Variants in STUB1 observed in about 807,000 individuals in gnomAD.
STUB1 encodes E3 ubiquitin-protein ligase CHIP.
Under a neutral mutation model 40.3 loss-of-function variants are expected in STUB1, and 37 were observed. The observed-to-expected ratio is 0.92, with a 90% CI of 0.71 to 1.21. The LOEUF is 1.21. STUB1 is among the 50% of genes most tolerant of loss of function. The pLI is 0.00. For missense variants in STUB1, 460 were observed against 421.9 expected, an observed-to-expected ratio of 1.09 and a Z score of -0.79; for synonymous variants, 246 against 171.9, an observed-to-expected ratio of 1.43 and a Z score of -3.37.
chr16:681,163 G>C lies in STUB1; in HGVS notation c.171G>C (p.Pro57=), dbSNP rs1392005188. The change falls in exon 2 of 7, where the codon CCG becomes CCC. Residue 57 remains proline (P), a synonymous_variant. Coordinates refer to ENST00000219548, the MANE Select transcript of STUB1 (RefSeq NM_005861.4). ...ACYGRAITRN[P]LVAVYYTNRA... ...GCCTTGGTCCCTAGACCCGGAACCC[G>C]CTGGTGGCCGTGTATTACACCAACC... 9 of 1,563,146 alleles carry C rather than the reference G, an allele frequency of 5.8e-6. No homozygotes were observed. The highest frequency in any genetic ancestry group is 7.8e-6 in the Non-Finnish European group (9 of 1,154,428).
chr16:681,568 C>A lies in STUB1; in HGVS notation c.489C>A (p.Ser163=), dbSNP rs774487197. Reference sequence around the variant, plus strand: ...TCCACCAGGAGAGCGAGCTGCACTCCTACCTCTCCAGGCTCATTGCCGCGG... The same window carrying A: ...TCCACCAGGAGAGCGAGCTGCACTCATACCTCTCCAGGCTCATTGCCGCGG... ...RRIHQESELH[S]YLSRLIAAER... The change falls in exon 3 of 7, where the codon TCC becomes TCA. Residue 163 remains serine, a synonymous_variant. Transcript: ENST00000219548. 12 of 1,611,234 alleles carry A rather than the reference C, an allele frequency of 7.4e-6. No individual in the cohort carries two copies. The highest frequency in any genetic ancestry group is 7.6e-6 in the Non-Finnish European group (9 of 1,179,766).
rs543847927 is a variant in STUB1 at position 680,429 on chromosome 16, G to C, written c.-97G>C. ...GGCGGCGGAGCTGGGCCGGGCCCGA[G>C]CGGATCGCGGGCTCGGGCTGCGGGG... On this transcript the variant is annotated 5_prime_UTR_variant, in exon 1 of 7. Coordinates refer to ENST00000219548, the MANE Select transcript of STUB1 (RefSeq NM_005861.4). The surrounding 1 kb of genome is among the most constrained non-coding windows in gnomAD (Gnocchi z 4.9). 9.2e-7 allele frequency: 1 copy of C among 1,090,340 alleles called. No individual in the cohort carries two copies. Among genetic ancestry groups the C allele is most frequent in the Admixed American group, 4.9e-5 (1 of 20,342 alleles). The allele number at this position is 1,090,340 out of a possible 1,614,324, so 67.5% of individuals were successfully genotyped here. A position where few individuals can be genotyped will look rare whatever the true frequency, so the allele number is the denominator to read the frequency against.
rs749441213 is a variant in STUB1, at chr16:680,573, C to T, written c.48C>T (p.Gly16=). The change falls in exon 1 of 7, where the codon GGC becomes GGT. Residue 16 remains glycine (G), a synonymous_variant. Coordinates refer to ENST00000219548, the MANE Select transcript of STUB1 (RefSeq NM_005861.4). This position sits in a 1 kb window ranked among gnomAD's most constrained non-coding sequence, Gnocchi z 4.9. ...AGGGCGGCGCACGGCTGGGCGCTGG[C>T]GGCGGAAGCCCCGAGAAGAGCCCGA... ...EKEGGARLGA[G]GGSPEKSPSA... 9 of 1,380,578 alleles carry T rather than the reference C, an allele frequency of 6.5e-6. No individual in the cohort carries two copies. The highest frequency in any genetic ancestry group is 1.7e-5 in the South Asian group (1 of 60,410). 85.5% of individuals were successfully genotyped at this position (1,380,578 alleles called of 1,614,324 possible).
In STUB1 at chr16:682,723, G is replaced by A. The variant is rs571827675; in HGVS notation, c.*234G>A. 5.8e-6 allele frequency: 9 copies of A among 1,551,976 alleles called. No individual in the cohort carries two copies. Among genetic ancestry groups the A allele is most frequent in the African/African-American group, 5.4e-5 (4 of 73,984 alleles). ...GCTGAGGCCATTGCCGCCACTATCTGTGTAATAAAATCCGTGAGCACGAGG... is the reference window on the plus strand; with the variant it reads ...GCTGAGGCCATTGCCGCCACTATCTATGTAATAAAATCCGTGAGCACGAGG... On this transcript the variant is annotated 3_prime_UTR_variant, in exon 7 of 7. Coordinates refer to ENST00000219548, the MANE Select transcript of STUB1 (RefSeq NM_005861.4).
Position 682,254 on chromosome 16 carries a change from C to T in STUB1, c.759C>T (p.Asp253=), listed in dbSNP as rs746986960. Residue 253 remains aspartate, a synonymous_variant, in exon 6 of 7, where the codon GAC becomes GAT. Coordinates refer to ENST00000219548, the MANE Select transcript of STUB1 (RefSeq NM_005861.4). ...PCITPSGITY[D]RKDIEEHLQR... ...TCACGCCCAGTGGCATCACCTACGA[C>T]CGCAAGGACATCGAGGAGCACCTGC... The T allele has an allele frequency of 1.9e-6, 3 of 1,612,000 alleles. No homozygotes were observed. The highest frequency in any genetic ancestry group is 1.7e-5 in the Admixed American group (1 of 59,942).
Position 682,288 on chromosome 16 carries a change from C to A in STUB1, c.786+7C>A. ...CATCGAGGAGCACCTGCAGGTGAGG[C>A]CTGCGGCTGGGGGAGCAGGGCCAGT... On this transcript the variant is annotated splice_region_variant and intron_variant, in intron 6 of 6. Transcript: ENST00000219548. The A allele has an allele frequency of 4.1e-6, 2 of 493,642 alleles. No homozygotes were observed. The highest frequency in any genetic ancestry group is 4.9e-6 in the Non-Finnish European group (2 of 410,568). The allele number at this position is 493,642 out of a possible 1,614,324, so 30.6% of individuals were successfully genotyped here. A position where few individuals can be genotyped will look rare whatever the true frequency, so the allele number is the denominator to read the frequency against.
rs1233109911 is a variant in STUB1, at chr16:680,426, C to T, written c.-100C>T. ...TCCGGCGGCGGAGCTGGGCCGGGCC[C>T]GAGCGGATCGCGGGCTCGGGCTGCG... is the stretch of plus-strand genomic sequence containing the variant. On this transcript the variant is annotated 5_prime_UTR_variant, in exon 1 of 7. Transcript: ENST00000219548. The surrounding 1 kb of genome is among the most constrained non-coding windows in gnomAD (Gnocchi z 4.9). The T allele has an allele frequency of 1.7e-5, 18 of 1,077,898 alleles. No homozygotes were observed. The highest frequency in any genetic ancestry group is 1.9e-5 in the Non-Finnish European group (17 of 876,270). 66.8% of individuals were successfully genotyped at this position (1,077,898 alleles called of 1,614,324 possible).
chr16:680,681 G>A lies in STUB1; in HGVS notation c.156G>A (p.Ala52=). The A allele has an allele frequency of 8.0e-7, 1 of 1,253,996 alleles. No homozygotes were observed. The highest frequency in any genetic ancestry group is 1.0e-6 in the Non-Finnish European group (1 of 991,952). The allele number at this position is 1,253,996 out of a possible 1,614,324, so 77.7% of individuals were successfully genotyped here. A position where few individuals can be genotyped will look rare whatever the true frequency, so the allele number is the denominator to read the frequency against. Residue 52 remains alanine (A), a synonymous_variant, in exon 1 of 7, where the codon GCG becomes GCA. Coordinates refer to ENST00000219548, the MANE Select transcript of STUB1 (RefSeq NM_005861.4). The surrounding 1 kb of genome is among the most constrained non-coding windows in gnomAD (Gnocchi z 4.9). The part of the protein sequence containing the change: ...YPEAAACYGR[A]ITRNPLVAVY... ...AGGCGGCGGCCTGCTACGGCCGCGC[G>A]ATCGTGAGTGCGCCCGCGCGGGGAG...
rs1011344529 is a variant in STUB1 at position 680,741 on chromosome 16, G to GGGCCCGGCCGGCCCCA, written c.159+58_159+73dup. 8.5e-7 allele frequency: 1 copy of GGGCCCGGCCGGCCCCA among 1,175,736 alleles called. No individual in the cohort carries two copies. Among genetic ancestry groups the GGGCCCGGCCGGCCCCA allele is most frequent in the Non-Finnish European group, 1.1e-6 (1 of 948,932 alleles). The allele number at this position is 1,175,736 out of a possible 1,614,324, so 72.8% of individuals were successfully genotyped here. ...GGTGGCACCGGGGAGGGCCGGGCCC[G>GGGCCCGGCCGGCCCCA]GGCCCGGCCGGCCCCACCGAGGGTC... On this transcript the variant is annotated intron_variant, in intron 1 of 6. Coordinates refer to ENST00000219548, the MANE Select transcript of STUB1 (RefSeq NM_005861.4). The surrounding 1 kb of genome is among the most constrained non-coding windows in gnomAD (Gnocchi z 4.9).
rs538535547 is a variant in STUB1 at position 682,712 on chromosome 16, C to T, written c.*223C>T. The T allele has an allele frequency of 8.1e-5, 123 of 1,517,324 alleles. No homozygotes were observed. Among genetic ancestry groups the T allele is most frequent in the Middle Eastern group, 5.1e-4 (3 of 5,832 alleles). 94.0% of individuals were successfully genotyped at this position (1,517,324 alleles called of 1,614,324 possible). ...GGGTGGGCTGGGCTGAGGCCATTGCCGCCACTATCTGTGTAATAAAATCCG... is the reference window on the plus strand; with the variant it reads ...GGGTGGGCTGGGCTGAGGCCATTGCTGCCACTATCTGTGTAATAAAATCCG... On this transcript the variant is annotated 3_prime_UTR_variant, in exon 7 of 7. Coordinates refer to ENST00000219548, the MANE Select transcript of STUB1 (RefSeq NM_005861.4).
rs1567279689 is a variant in STUB1, at chr16:681,278, G to A, written c.286G>A (p.Ala96Thr). The stretch of plus-strand genomic sequence containing the variant: ...GGAGCTGGACGGGCAGTCTGTGAAG[G>A]CGCACTTCTTCCTGGGGCAGTGCCA... Reference protein sequence around the residue: ...ALELDGQSVKAHFFLGQCQLE... With the variant: ...ALELDGQSVKTHFFLGQCQLE... Residue 96 changes from alanine to threonine, a missense_variant, in exon 2 of 7, where the codon GCG (alanine) becomes ACG (threonine). Transcript: ENST00000219548. 6.2e-7 allele frequency: 1 copy of A among 1,612,880 alleles called. No homozygotes were observed. Among genetic ancestry groups the A allele is most frequent in the Non-Finnish European group, 8.5e-7 (1 of 1,179,996 alleles).
In STUB1 at chr16:680,528, GAAGGGC is replaced by G. The variant is rs2039632690; in HGVS notation, c.8_13del (p.Gly3_Lys4del). 7.8e-7 allele frequency: 1 copy of G among 1,275,244 alleles called. No homozygotes were observed. Among genetic ancestry groups the G allele is most frequent in the South Asian group, 2.4e-5 (1 of 41,716 alleles). The allele number at this position is 1,275,244 out of a possible 1,614,324, so 79.0% of individuals were successfully genotyped here. On this transcript the variant is annotated inframe_deletion, in exon 1 of 7. Transcript: ENST00000219548. The surrounding 1 kb of genome is among the most constrained non-coding windows in gnomAD (Gnocchi z 4.9). ...CCCAGGCCGTGCCGCGCGGCGCCAT[GAAGGGC>G]AAGGAGGAGAAGGAGGGCGGCGCAC... is the stretch of plus-strand genomic sequence containing the variant.
rs2039639059 is a variant in STUB1 at position 680,852 on chromosome 16, C to T, written c.159+168C>T. ...CGCCGGGTGCCGGAGAACGAGGGTG[C>T]GATGCTGGATGGAGGCCGGCCGGGT... On this transcript the variant is annotated intron_variant, in intron 1 of 6. Coordinates refer to ENST00000219548, the MANE Select transcript of STUB1 (RefSeq NM_005861.4). This position sits in a 1 kb window ranked among gnomAD's most constrained non-coding sequence, Gnocchi z 4.9. The T allele has an allele frequency of 1.6e-6, 1 of 607,586 alleles. No homozygotes were observed. Among genetic ancestry groups the T allele is most frequent in the Non-Finnish European group, 2.3e-6 (1 of 425,814 alleles). 37.6% of individuals were successfully genotyped at this position (607,586 alleles called of 1,614,324 possible).
chr16:681,967 T>C (rs752205602), intron 4 of STUB1, 53 bp from the exon 5 acceptor site: 8 of 1,612,376 alleles, frequency 5.0e-6, no homozygotes, highest in East Asian at 4.5e-5. Context: ...CTGTGCCCCA[T>C]GGAGGAGGGA....
chr16:681,937 A>C (rs144595524), intron 4 of STUB1, 57 bp downstream of exon 4: 1 of 1,611,180 alleles, frequency 6.2e-7, no homozygotes, highest in Non-Finnish European at 8.5e-7. Context: ...GCGTGGGAGC[A>C]TCCCCGCCTT....
Position 680,866 on chromosome 16 carries a change from G to T in STUB1, c.159+182G>T. The T allele has an allele frequency of 1.5e-6, 1 of 655,750 alleles. No homozygotes were observed. The allele number at this position is 655,750 out of a possible 1,614,324, so 40.6% of individuals were successfully genotyped here. ...GAACGAGGGTGCGATGCTGGATGGA[G>T]GCCGGCCGGGTGGGGGGAGGGCAGG... On this transcript the variant is annotated intron_variant, in intron 1 of 6. Transcript: ENST00000219548. This position sits in a 1 kb window ranked among gnomAD's most constrained non-coding sequence, Gnocchi z 4.9.
In STUB1 at chr16:682,226, G is replaced by A. The variant is rs768079742; in HGVS notation, c.731G>A (p.Cys244Tyr). 1 of 1,612,992 alleles carries A rather than the reference G, an allele frequency of 6.2e-7. No homozygotes were observed. Among genetic ancestry groups the A allele is most frequent in the Non-Finnish European group, 8.5e-7 (1 of 1,179,940 alleles). ...AGCTTTGAGCTGATGCGGGAGCCGT[G>A]CATCACGCCCAGTGGCATCACCTAC... Reference protein sequence around the residue: ...KISFELMREPCITPSGITYDR... With the variant: ...KISFELMREPYITPSGITYDR... The change falls in exon 6 of 7, where the codon TGC becomes TAC. Residue 244 changes from cysteine (C) to tyrosine (Y), a missense_variant. Transcript: ENST00000219548.
rs569158766 is a variant in STUB1, at chr16:680,879, G to T, written c.159+195G>T. 4 of 603,966 alleles carry T rather than the reference G, an allele frequency of 6.6e-6. No individual in the cohort carries two copies. The highest frequency in any genetic ancestry group is 1.0e-5 in the Non-Finnish European group (4 of 386,478). The allele number at this position is 603,966 out of a possible 1,614,324, so 37.4% of individuals were successfully genotyped here. The stretch of plus-strand genomic sequence containing the variant: ...ATGCTGGATGGAGGCCGGCCGGGTG[G>T]GGGGAGGGCAGGGGCCCTCGACCCT... On this transcript the variant is annotated intron_variant, in intron 1 of 6. Coordinates refer to ENST00000219548, the MANE Select transcript of STUB1 (RefSeq NM_005861.4). The surrounding 1 kb of genome is among the most constrained non-coding windows in gnomAD (Gnocchi z 4.9).
Position 682,723 on chromosome 16 carries a change from G to T in STUB1, c.*234G>T. Reference sequence around the variant, plus strand: ...GCTGAGGCCATTGCCGCCACTATCTGTGTAATAAAATCCGTGAGCACGAGG... The same window carrying T: ...GCTGAGGCCATTGCCGCCACTATCTTTGTAATAAAATCCGTGAGCACGAGG... On this transcript the variant is annotated 3_prime_UTR_variant, in exon 7 of 7. Coordinates refer to ENST00000219548, the MANE Select transcript of STUB1 (RefSeq NM_005861.4). 1 of 1,551,972 alleles carries T rather than the reference G, an allele frequency of 6.4e-7. No individual in the cohort carries two copies. Among genetic ancestry groups the T allele is most frequent in the Non-Finnish European group, 8.8e-7 (1 of 1,134,240 alleles).
Sources: gnomAD v4.1 joint callset for allele counts on GRCh38, gnomAD v4.1.1 for gene constraint, Gnocchi (gnomAD v3.1) non-coding constraint, MANE v1.5 for transcripts, NCBI Gene and HGNC (gene_info 2026-07-23, HGNC 2026-07-21) for gene names.